JARID2: variants seen among roughly 807,000 people sequenced by gnomAD.
JARID2 encodes jumonji and AT-rich interaction domain containing 2.
In JARID2, 21 loss-of-function variants were observed where a neutral mutation model predicts 125.6. That is an observed-to-expected ratio of 0.17 (90% CI 0.12 to 0.24). JARID2 has a LOEUF of 0.24. Ranked by LOEUF, JARID2 falls within the 10% of genes least tolerant of loss-of-function variation. JARID2 has a pLI of 1.00. For synonymous variants in JARID2, 736 were observed against 661.6 expected (o/e 1.11, Z -1.73); for missense variants, 1,303 against 1,639.6 (o/e 0.79, Z 3.55).
intron 4 of JARID2, among the ~76,000 whole-genome samples, chr6:15,457,527 A>C (rs1768241760): frequency 6.6e-6 from 1 of 152,168 alleles, no homozygotes; most frequent in South Asian, 2.1e-4. Context: ...ATAGGGAAGA[A>C]AGTCTGGCTG....
intron 2 of JARID2, among the ~76,000 whole-genome samples, chr6:15,385,535 A>G (rs1443546686): frequency 6.6e-6 from 1 of 150,702 alleles, no homozygotes; most frequent in East Asian, 1.9e-4. Flanking sequence ...ATTATTTTAT[A>G]GATATTTATT....
At chr6:15,443,208 G>T (rs572188499) in intron 3 of JARID2, among the ~76,000 whole-genome samples, 1 of 152,140 alleles carries the variant, frequency 6.6e-6, no homozygotes, top group African/African-American at 2.4e-5. Context: ...GTTTGGATTT[G>T]CAAGGCTTGC....
intron 1 of JARID2, among the ~76,000 whole-genome samples, chr6:15,289,091 C>T (rs1210921504): frequency 7.2e-5 from 11 of 152,056 alleles, no homozygotes; most frequent in Admixed American, 3.9e-4. Context: ...GGTGAAACCC[C>T]GTTAACAGTT....
intron 5 of JARID2, among the ~76,000 whole-genome samples, chr6:15,486,554 T>A (rs1769873106): frequency 1.3e-5 from 2 of 152,384 alleles, no homozygotes; most frequent in South Asian, 4.1e-4. Context: ...TTCTGAGGAT[T>A]CAGAGGCTCA....
chr6:15,493,925 T>C (rs1015850551), intron 6 of JARID2, among the ~76,000 whole-genome samples: 1 of 152,150 alleles, frequency 6.6e-6, no homozygotes, highest in African/African-American at 2.4e-5. Context: ...GTGCTTTTTT[T>C]CCTCTCCAAA....
chr6:15,501,916 G>T (rs1770757277), intron 8 of JARID2, among the ~76,000 whole-genome samples: 1 of 152,198 alleles, frequency 6.6e-6, no homozygotes, highest in Non-Finnish European at 1.5e-5. Context: ...CTCGACAGCT[G>T]CCCAGATCCA....
intron 1 of JARID2, among the ~76,000 whole-genome samples, chr6:15,335,578 G>A (rs1762850821): frequency 6.6e-6 from 1 of 152,120 alleles, no homozygotes; most frequent in African/African-American, 2.4e-5. Flanking sequence ...TCTCTTCTGT[G>A]TGAACATGGT....
intron 4 of JARID2, among the ~76,000 whole-genome samples, chr6:15,452,649 A>C (rs1767970791): frequency 1.3e-5 from 2 of 152,226 alleles, no homozygotes; most frequent in South Asian, 4.1e-4. Context: ...TAAGGAAAAC[A>C]GTACTGGTAC....
intron 1 of JARID2, among the ~76,000 whole-genome samples, chr6:15,312,943 C>G (rs1437861236): frequency 6.6e-6 from 1 of 152,178 alleles, no homozygotes; most frequent in Non-Finnish European, 1.5e-5. Context: ...ACTGACTGAC[C>G]CAAGCCTTGT....
chr6:15,298,786 G>A (rs1761500921), intron 1 of JARID2, among the ~76,000 whole-genome samples: 1 of 151,714 alleles, frequency 6.6e-6, no homozygotes, highest in Admixed American at 6.6e-5. Context: ...GCCTTTTCCA[G>A]TTTCCCTGAG....
At chr6:15,339,067 C>T (rs1023006501) in intron 1 of JARID2, among the ~76,000 whole-genome samples, 1 of 152,080 alleles carries the variant, frequency 6.6e-6, no homozygotes, top group South Asian at 2.1e-4. Flanking sequence ...AAACATTATC[C>T]AACTGGAAGA....
intron 2 of JARID2, among the ~76,000 whole-genome samples, chr6:15,399,089 G>C (rs1453804671): frequency 6.6e-6 from 1 of 152,142 alleles, no homozygotes; most frequent in South Asian, 2.1e-4. Context: ...TATGACTTAC[G>C]CTGTAGTGGG....
rs535972247 is a variant in JARID2 at position 15,358,495 on chromosome 6, A to T, written c.46-15622A>T. Among the ~76,000 whole-genome samples, 8 of 152,346 alleles carry T rather than the reference A, an allele frequency of 5.3e-5. No homozygotes were observed. The South Asian group carries it at 1.7e-3, about 32-fold the overall frequency. On this transcript the variant is annotated intron_variant, in intron 1 of 17. Coordinates refer to ENST00000341776, the MANE Select transcript of JARID2 (RefSeq NM_004973.4). The stretch of plus-strand genomic sequence containing the variant: ...CTGACTCAGAGATTCAGGGTTAATG[A>T]GATTTTCATCATTGAGTTGGGGCAA...
intron 3 of JARID2, among the ~76,000 whole-genome samples, chr6:15,431,053 T>C (rs976500352): frequency 2.6e-5 from 4 of 152,150 alleles, no homozygotes; most frequent in Non-Finnish European, 5.9e-5. Flanking sequence ...CAAATACCAT[T>C]GTGTAATGTG....
chr6:15,462,066 G>A (rs1322361025), intron 4 of JARID2, among the ~76,000 whole-genome samples: 2 of 152,108 alleles, frequency 1.3e-5, no homozygotes, highest in African/African-American at 4.8e-5. Context: ...GACATTAAGT[G>A]AACGTTTTAC....
At chr6:15,255,395 G>T (rs1382222049) in intron 1 of JARID2, among the ~76,000 whole-genome samples, 1 of 152,140 alleles carries the variant, frequency 6.6e-6, no homozygotes, top group Admixed American at 6.5e-5. Flanking sequence ...GAGCCACTGC[G>T]CCTGGCCCAA....
intron 1 of JARID2, among the ~76,000 whole-genome samples, chr6:15,263,118 G>A (rs1759950812): frequency 6.9e-6 from 1 of 144,724 alleles, no homozygotes; most frequent in African/African-American, 2.6e-5. Flanking sequence ...GTGTGTGTGT[G>A]GTAGGGGTCC....
rs766748203 is a variant in JARID2, at chr6:15,468,612, AGAT to A, written c.570_572del (p.Asp190del). On this transcript the variant is annotated inframe_deletion, in exon 5 of 18. Transcript: ENST00000341776. ...AGGATGAGGAGGAAGTCGAGGAGGA[AGAT>A]GATGAGACAGAAGACGTCAAAACAG... The A allele has an allele frequency of 1.9e-6, 3 of 1,614,178 alleles. No homozygotes were observed. Among genetic ancestry groups the A allele is most frequent in the Non-Finnish European group, 2.5e-6 (3 of 1,180,026 alleles).
At chr6:15,414,237 T>G (rs557845470) in intron 3 of JARID2, among the ~76,000 whole-genome samples, 48 of 152,346 alleles carry the variant, frequency 3.2e-4, no homozygotes, top group African/African-American at 1.1e-3. Context: ...TTATCTAGTC[T>G]GCTTTTCCAA....
Sources: gnomAD v4.1 joint callset for allele counts (sites outside exome capture counted in the v4.1 genomes callset) on GRCh38, gnomAD v4.1.1 for gene constraint, MANE v1.5 for transcripts, NCBI Gene and HGNC (gene_info 2026-07-23, HGNC 2026-07-21) for gene names.